Variants in B3GAT1 observed in about 807,000 individuals in gnomAD.
B3GAT1 encodes the protein beta-1,3-glucuronyltransferase 1, also known as galactosylgalactosylxylosylprotein 3-beta-glucuronosyltransferase 1.
Under a neutral mutation model 28.4 loss-of-function variants are expected in B3GAT1, and 11 were observed. The ratio of observed to expected loss-of-function variants is 0.39; its 90% CI spans 0.24 to 0.64. The LOEUF is 0.64. Ranked by LOEUF, B3GAT1 falls within the 30% of genes least tolerant of loss-of-function variation. B3GAT1 has a pLI of 0.50. For synonymous variants in B3GAT1, 255 were observed against 223.1 expected (o/e 1.14, Z -1.27); for missense variants, 375 against 491.0 (o/e 0.76, Z 2.23).
At chr11:134,385,161 T>C (rs191383704) in intron 2 of B3GAT1, 5 of 152,196 alleles carry the variant, frequency 3.3e-5, no homozygotes, top group African/African-American at 7.2e-5. Context: ...GATTAATGAG[T>C]CCACAAGGGC....
At position 134,393,320 on chromosome 11, in the gene B3GAT1, T is replaced by C. The variant is rs751072730; in HGVS notation, c.-281-5380A>G. 7.9e-5 allele frequency among the ~76,000 whole-genome samples: 12 copies of C among 152,170 alleles called. No individual in the cohort carries two copies. The highest frequency in any genetic ancestry group is 6.5e-5 in the Admixed American group (1 of 15,284). The stretch of plus-strand genomic sequence containing the variant: ...ATGATGTTTCCCCAGGACTGCACAA[T>C]GCATGCTAATTTTTCCCAAATCCGA... On this transcript the variant is annotated intron_variant, in intron 1 of 5. Coordinates refer to ENST00000312527, the MANE Select transcript of B3GAT1 (RefSeq NM_054025.3). The surrounding 1 kb of genome is among the most constrained non-coding windows in gnomAD (Gnocchi z 4.0).
At chr11:134,381,478 G>A (rs920971187) in intron 5 of B3GAT1, among the ~76,000 whole-genome samples, 1 of 152,192 alleles carries the variant, frequency 6.6e-6, no homozygotes, top group Non-Finnish European at 1.5e-5. Context: ...CTGTCACTCT[G>A]CGCTACCTCT....
chr11:134,388,193 A>C (rs1254373670), intron 1 of B3GAT1: 1 of 305,452 alleles, frequency 3.3e-6, no homozygotes, highest in Non-Finnish European at 6.6e-6. Flanking sequence ...CAGACTGCAG[A>C]GACACCAGGT....
intron 1 of B3GAT1, among the ~76,000 whole-genome samples, chr11:134,401,152 A>G (rs1048389291): frequency 6.6e-6 from 1 of 152,254 alleles, no homozygotes; most frequent in Admixed American, 6.5e-5. Flanking sequence ...GGGAATGTAG[A>G]TGAGTTCAGC....
intron 4 of B3GAT1, among the ~76,000 whole-genome samples, chr11:134,382,355 G>A (rs920573712): frequency 2.0e-5 from 3 of 152,262 alleles, no homozygotes; most frequent in African/African-American, 4.8e-5. Context: ...ATGTGTATAT[G>A]TGCATGTCTG....
Position 134,384,268 on chromosome 11 carries a change from T to C in B3GAT1, c.113-80A>G, listed in dbSNP as rs941379897. Reference sequence around the variant, plus strand: ...ATTCAGAGCGGGACGCCACCCACCCTGCCAGGGCACCCTCCTCCTCCCCCG... The same window carrying C: ...ATTCAGAGCGGGACGCCACCCACCCCGCCAGGGCACCCTCCTCCTCCCCCG... On this transcript the variant is annotated intron_variant, in intron 2 of 5. Coordinates refer to ENST00000312527, the MANE Select transcript of B3GAT1 (RefSeq NM_054025.3). 7 of 1,447,426 alleles carry C rather than the reference T, an allele frequency of 4.8e-6. No individual in the cohort carries two copies. In the African/African-American group the frequency reaches 7.1e-5, roughly 15 times the overall value. 89.7% of individuals were successfully genotyped at this position (1,447,426 alleles called of 1,614,324 possible).
intron 2 of B3GAT1, chr11:134,384,398 A>G: frequency 1.7e-6 from 1 of 578,526 alleles, no homozygotes; most frequent in Non-Finnish European, 2.9e-6. Context: ...CTGATGACAC[A>G]GACATAACCT....
chr11:134,383,246 TCTC>T (rs1325822521), intron 3 of B3GAT1, among the ~76,000 whole-genome samples: 4 of 152,106 alleles, frequency 2.6e-5, no homozygotes, highest in African/African-American at 9.7e-5. Flanking sequence ...GTCTTCCCCT[TCTC>T]AGCGTGGCCC....
At chr11:134,402,568 C>G (rs1411125068) in intron 1 of B3GAT1, among the ~76,000 whole-genome samples, 1 of 152,158 alleles carries the variant, frequency 6.6e-6, no homozygotes, top group African/African-American at 2.4e-5. Context: ...TCCCTCCCTC[C>G]TCTGGGGTGT....
At chr11:134,410,938 C>T (rs568519586) in intron 1 of B3GAT1, among the ~76,000 whole-genome samples, 3 of 152,362 alleles carry the variant, frequency 2.0e-5, no homozygotes, top group African/African-American at 7.2e-5. Context: ...GGTCCCCTTC[C>T]TGTATGTCCA....
intron 1 of B3GAT1, among the ~76,000 whole-genome samples, chr11:134,401,353 G>T (rs1227495726): frequency 6.6e-6 from 1 of 152,226 alleles, no homozygotes; most frequent in Non-Finnish European, 1.5e-5. Context: ...CAGTAGACTG[G>T]ATGACGAAGA....
At chr11:134,387,231 T>C (rs1944309362) in intron 2 of B3GAT1, 2 of 317,938 alleles carry the variant, frequency 6.3e-6, no homozygotes, top group African/African-American at 2.1e-5. Context: ...TCCCTTCACT[T>C]CCCACCTCCG....
chr11:134,397,400 C>T (rs1944526340), intron 1 of B3GAT1, among the ~76,000 whole-genome samples: 1 of 152,176 alleles, frequency 6.6e-6, no homozygotes. Flanking sequence ...CCTGTTCTCT[C>T]CTGTTCCCTG....
intron 1 of B3GAT1, among the ~76,000 whole-genome samples, chr11:134,407,157 C>T (rs780861649): frequency 6.6e-6 from 1 of 152,242 alleles, no homozygotes; most frequent in Non-Finnish European, 1.5e-5. Flanking sequence ...GATGCAGCCC[C>T]CCATGCCCAG....
intron 1 of B3GAT1, 26 bp from the exon 2 acceptor site, chr11:134,387,966 G>T: frequency 9.9e-7 from 1 of 1,011,536 alleles, no homozygotes; most frequent in Non-Finnish European, 1.4e-6. Context: ...GAAGCGGATA[G>T]CCAGAGACCC....
chr11:134,407,854 C>T (rs937897767), intron 1 of B3GAT1, among the ~76,000 whole-genome samples: 3 of 152,130 alleles, frequency 2.0e-5, no homozygotes, highest in African/African-American at 7.2e-5. Context: ...GCCTCCAACA[C>T]CGTAAGTGCT....
intron 1 of B3GAT1, among the ~76,000 whole-genome samples, chr11:134,405,188 G>T (rs1195040582): frequency 1.3e-5 from 2 of 152,142 alleles, no homozygotes; most frequent in Non-Finnish European, 2.9e-5. Flanking sequence ...GAGGGACCCA[G>T]CACCGGCACT....
chr11:134,387,980 T>C (rs1207361947), intron 1 of B3GAT1, 40 bp from the exon 2 acceptor site: 3 of 828,616 alleles, frequency 3.6e-6, no homozygotes, highest in Non-Finnish European at 5.5e-6. Flanking sequence ...GAGACCCAGG[T>C]ATAGGAATGG....
rs1944312010 is a variant in B3GAT1 at position 134,387,329 on chromosome 11, G to A, written c.112+219C>T. 3 of 602,108 alleles carry A rather than the reference G, an allele frequency of 5.0e-6. No individual in the cohort carries two copies. The East Asian group carries it at 8.8e-5, about 18-fold the overall frequency. The allele number at this position is 602,108 out of a possible 1,614,324, so 37.3% of individuals were successfully genotyped here. A position where few individuals can be genotyped will look rare whatever the true frequency, so the allele number is the denominator to read the frequency against. On this transcript the variant is annotated intron_variant, in intron 2 of 5. Coordinates refer to ENST00000312527, the MANE Select transcript of B3GAT1 (RefSeq NM_054025.3). The stretch of plus-strand genomic sequence containing the variant: ...CTCTTCTTTCAAGGCAACTGTCTTG[G>A]TGTCTGCCAACCTACCATCCCAGGC...
Sources: allele counts gnomAD v4.1 joint callset (sites outside exome capture counted in the v4.1 genomes callset), GRCh38; gene constraint gnomAD v4.1.1; non-coding constraint Gnocchi (gnomAD v3.1); transcripts MANE v1.5; gene names NCBI Gene and HGNC (gene_info 2026-07-23, HGNC 2026-07-21).